Variants in EPB41L2 observed in about 807,000 individuals in gnomAD.
EPB41L2 encodes band 4.1-like protein 2.
EPB41L2 carries 43 observed loss-of-function variants against 113.0 expected under a neutral mutation model. The observed-to-expected ratio is 0.38, with a 90% confidence interval of 0.30 to 0.49. The LOEUF (loss-of-function observed/expected upper bound fraction) is 0.49. Among genes scored for constraint, EPB41L2 ranks in the 20% least tolerant of loss-of-function variants. EPB41L2 has a pLI of 0.95. For missense variants in EPB41L2, 1,147 were observed against 1,223.4 expected (o/e 0.94, Z 0.93); for synonymous variants, 442 against 436.7 (o/e 1.01, Z -0.15).
chr6:131,055,231 G>C, intron 1 of EPB41L2, among the ~76,000 whole-genome samples: 1 of 152,096 alleles, frequency 6.6e-6, no homozygotes, highest in Non-Finnish European at 1.5e-5. Flanking sequence ...AAGCACCCTG[G>C]AGAATGCCAT....
At chr6:130,925,340 C>A (rs1334080317) in intron 4 of EPB41L2, among the ~76,000 whole-genome samples, 1 of 151,854 alleles carries the variant, frequency 6.6e-6, no homozygotes. Context: ...AGGTGCCCAC[C>A]ACCATGCCCG....
At chr6:131,008,401 G>C (rs1786100226) in intron 1 of EPB41L2, among the ~76,000 whole-genome samples, 1 of 152,250 alleles carries the variant, frequency 6.6e-6, no homozygotes, top group Admixed American at 6.5e-5. Context: ...GAAACACCTG[G>C]ATGTCTAGGC....
rs780758511 is a variant in EPB41L2, at chr6:130,954,040, C to CTT, written c.705+1063_705+1064dup. 9.2e-3 allele frequency among the ~76,000 whole-genome samples: 542 copies of CTT among 58,846 alleles called. 75 individuals are homozygous for CTT. The highest frequency in any genetic ancestry group is 0.012 in the Non-Finnish European group (369 of 30,220). 38.6% of individuals were successfully genotyped at this position (58,846 alleles called of 152,430 possible). A position where few individuals can be genotyped will look rare whatever the true frequency, so the allele number is the denominator to read the frequency against. ...TCCTCTTTTGCTAGTCCTTTTCTTT[C>CTT]TTTTTTTTTTTTTTTTTTTTTTTTT... is the stretch of plus-strand genomic sequence containing the variant. On this transcript the variant is annotated intron_variant, in intron 3 of 19. Transcript: ENST00000337057.
At chr6:130,916,932 C>A (rs2128529431) in intron 4 of EPB41L2, among the ~76,000 whole-genome samples, 1 of 152,260 alleles carries the variant, frequency 6.6e-6, no homozygotes, top group Middle Eastern at 3.4e-3. Flanking sequence ...TTTTCAAGTC[C>A]TACTGGCTTG....
intron 1 of EPB41L2, among the ~76,000 whole-genome samples, chr6:131,049,512 A>T (rs1796128723): frequency 6.6e-6 from 1 of 152,216 alleles, no homozygotes; most frequent in Admixed American, 6.5e-5. Context: ...TTTCTACCAG[A>T]GTGTAGACAC....
chr6:130,859,976 G>A (rs1305025838), intron 18 of EPB41L2, among the ~76,000 whole-genome samples: 2 of 152,208 alleles, frequency 1.3e-5, no homozygotes, highest in Non-Finnish European at 2.9e-5. Flanking sequence ...TGGAGCAGGA[G>A]TGGGAGCAGG....
chr6:130,901,883 T>C (rs1289150916), intron 6 of EPB41L2, among the ~76,000 whole-genome samples: 1 of 152,248 alleles, frequency 6.6e-6, no homozygotes, highest in Non-Finnish European at 1.5e-5. Flanking sequence ...GGTACATGCT[T>C]AAGAATCAAT....
intron 4 of EPB41L2, among the ~76,000 whole-genome samples, chr6:130,915,414 T>C (rs1248789309): frequency 6.6e-6 from 1 of 152,232 alleles, no homozygotes; most frequent in Non-Finnish European, 1.5e-5. Context: ...AACTTCTAAC[T>C]GAAACTTAGC....
chr6:130,985,468 A>G (rs1977577), intron 1 of EPB41L2, among the ~76,000 whole-genome samples: 9,176 of 152,230 alleles, frequency 0.06, 876 homozygotes, highest in African/African-American at 0.2. Flanking sequence ...GTGGGACAAG[A>G]ACTCGGGAAC....
intron 5 of EPB41L2, among the ~76,000 whole-genome samples, chr6:130,907,309 T>C (rs535635833): frequency 5.9e-5 from 9 of 152,358 alleles, no homozygotes; most frequent in African/African-American, 2.2e-4. Context: ...TTCAAAGCTC[T>C]GGTACTGTTT....
chr6:131,018,708 A>AT (rs1168152531), intron 1 of EPB41L2, among the ~76,000 whole-genome samples: 3 of 152,174 alleles, frequency 2.0e-5, no homozygotes, highest in Non-Finnish European at 4.4e-5. Context: ...TCTATAATGC[A>AT]TTTTGTATAT....
At chr6:130,947,374 T>C in intron 3 of EPB41L2, among the ~76,000 whole-genome samples, 1 of 152,118 alleles carries the variant, frequency 6.6e-6, no homozygotes, top group East Asian at 1.9e-4. Context: ...AATTGAAAAT[T>C]AGACACATGT....
chr6:131,021,008 A>T (rs1789348517), intron 1 of EPB41L2, among the ~76,000 whole-genome samples: 1 of 151,800 alleles, frequency 6.6e-6, no homozygotes, highest in African/African-American at 2.4e-5. Context: ...TTATTTCCCA[A>T]GCTGGTCTCA....
At chr6:130,865,381 C>G (rs537595130) in intron 17 of EPB41L2, among the ~76,000 whole-genome samples, 155 bp downstream of exon 17, 2 of 152,276 alleles carry the variant, frequency 1.3e-5, no homozygotes, top group East Asian at 1.9e-4. Context: ...GTCAATGGAG[C>G]CTAATTTCTT....
At chr6:130,892,026 C>T (rs1460150309) in intron 10 of EPB41L2, among the ~76,000 whole-genome samples, 2 of 152,124 alleles carry the variant, frequency 1.3e-5, no homozygotes, top group African/African-American at 4.8e-5. Flanking sequence ...AAATTTAAAA[C>T]TGCTTTTGTT....
chr6:130,965,273 C>T (rs999950431), intron 1 of EPB41L2, among the ~76,000 whole-genome samples: 1 of 152,162 alleles, frequency 6.6e-6, no homozygotes, highest in African/African-American at 2.4e-5. Flanking sequence ...CAACTTGTAA[C>T]CAATTCATAA....
rs559101699 is a variant in EPB41L2 at position 130,924,801 on chromosome 6, T to C, written c.810+1804A>G. Among the ~76,000 whole-genome samples, 86 of 152,342 alleles carry C rather than the reference T, an allele frequency of 5.6e-4. 1 individual carries two copies. In the South Asian group the frequency reaches 0.017, roughly 30 times the overall value. Reference sequence around the variant, plus strand: ...GTCTCTCCACATCCTTGCCAACACTTGCTATTTTCTATTTTCATGAGAGTG... The same window carrying C: ...GTCTCTCCACATCCTTGCCAACACTCGCTATTTTCTATTTTCATGAGAGTG... On this transcript the variant is annotated intron_variant, in intron 4 of 19. Transcript: ENST00000337057.
At position 131,017,685 on chromosome 6, in the gene EPB41L2, C is replaced by T. The variant is rs79780253; in HGVS notation, c.-15+45470G>A. 1.5e-3 allele frequency among the ~76,000 whole-genome samples: 227 copies of T among 152,278 alleles called. 5 individuals are homozygous for T. In the East Asian group the frequency reaches 0.04, roughly 27 times the overall value. ...TCCCTTCACCTACAGGTACAGGAAT[C>T]TCAAGAGTTCATACCTAGTGCAATT... On this transcript the variant is annotated intron_variant, in intron 1 of 19. Transcript: ENST00000337057.
chr6:130,885,327 A>C, intron 11 of EPB41L2, 59 bp from the exon 12 acceptor site: 1 of 1,568,000 alleles, frequency 6.4e-7, no homozygotes, highest in Non-Finnish European at 8.8e-7. Flanking sequence ...AACTTTATGG[A>C]AAATTTCCCC....
Sources: allele counts gnomAD v4.1 joint callset (sites outside exome capture counted in the v4.1 genomes callset), GRCh38; gene constraint gnomAD v4.1.1; transcripts MANE v1.5; gene names NCBI Gene and HGNC (gene_info 2026-07-23, HGNC 2026-07-21).